The following ITGA2 variants were observed in gnomAD, a reference collection of about 807,000 sequenced individuals.
ITGA2 encodes integrin subunit alpha 2, also known as integrin alpha-2.
In ITGA2, 101 loss-of-function variants were observed where a neutral mutation model predicts 146.3. The ratio of observed to expected loss-of-function variants is 0.69; its 90% confidence interval spans 0.59 to 0.81. The LOEUF is 0.81. ITGA2 is among the 40% of genes least tolerant of loss of function. The pLI, the probability that ITGA2 is intolerant of heterozygous loss-of-function variation, is 0.00. For missense variants in ITGA2, 1,281 were observed against 1,402.7 expected, an observed-to-expected ratio of 0.91 and a Z score of 1.39; for synonymous variants, 477 against 487.1, an observed-to-expected ratio of 0.98 and a Z score of 0.27.
intron 2 of ITGA2, among the ~76,000 whole-genome samples, chr5:53,035,455 A>G (rs1743443038): frequency 1.3e-5 from 2 of 152,232 alleles, no homozygotes; most frequent in Admixed American, 6.5e-5. Flanking sequence ...AAACGGAAAG[A>G]TGCTGAGGAT....
At chr5:53,088,801 CAAT>C (rs768680236) in intron 28 of ITGA2, among the ~76,000 whole-genome samples, 12 of 151,358 alleles carry the variant, frequency 7.9e-5, no homozygotes, top group Non-Finnish European at 1.8e-4. Context: ...TTAATCTAAA[CAAT>C]AATTTGGATA....
At chr5:53,080,672 C>T (rs186119154) in intron 25 of ITGA2, 51 bp downstream of exon 25, 21 of 1,276,004 alleles carry the variant, frequency 1.6e-5, no homozygotes, top group Admixed American at 1.0e-4. Context: ...ATGTAAATAA[C>T]CCATGAGATT....
intron 14 of ITGA2, 77 bp downstream of exon 14, chr5:53,065,192 C>G: frequency 7.2e-7 from 1 of 1,379,952 alleles, no homozygotes; most frequent in Non-Finnish European, 1.0e-6. Flanking sequence ...TCATGTAAAC[C>G]ATGCAATCCG....
At chr5:53,019,882 C>A (rs989373798) in intron 1 of ITGA2, among the ~76,000 whole-genome samples, 1 of 152,072 alleles carries the variant, frequency 6.6e-6, no homozygotes, top group Admixed American at 6.6e-5. Context: ...GTAATGCTGG[C>A]ATATTATTAT....
chr5:53,070,095 T>A lies in ITGA2; in HGVS notation c.2084-14T>A. The A allele has an allele frequency of 1.2e-6, 2 of 1,603,320 alleles. No homozygotes were observed. The highest frequency in any genetic ancestry group is 1.7e-6 in the Non-Finnish European group (2 of 1,171,350). On this transcript the variant is annotated splice_polypyrimidine_tract_variant and intron_variant, in intron 16 of 29. Coordinates refer to ENST00000296585, the MANE Select transcript of ITGA2 (RefSeq NM_002203.4). ...ATTTGAAATAACATTTCTTTATGAT[T>A]TTTTTTATCATAGCCATTGTATATA...
chr5:53,045,879 T>C (rs982273922), intron 4 of ITGA2, among the ~76,000 whole-genome samples: 2 of 150,640 alleles, frequency 1.3e-5, no homozygotes, highest in African/African-American at 4.9e-5. Flanking sequence ...TGTGTATGTA[T>C]GTATAACCCT....
chr5:53,079,620 T>C (rs1415835505), intron 24 of ITGA2, among the ~76,000 whole-genome samples: 3 of 152,168 alleles, frequency 2.0e-5, no homozygotes, highest in African/African-American at 7.2e-5. Flanking sequence ...GTTTGTTACA[T>C]GGTTGCAACT....
intron 1 of ITGA2, among the ~76,000 whole-genome samples, chr5:53,023,346 C>T (rs1433958276): frequency 6.6e-6 from 1 of 152,174 alleles, no homozygotes; most frequent in Non-Finnish European, 1.5e-5. Flanking sequence ...CTTTGCCTTC[C>T]TCTTTATGTA....
At chr5:53,066,076 C>A in intron 15 of ITGA2, 99 bp downstream of exon 15, 1 of 1,095,438 alleles carries the variant, frequency 9.1e-7, no homozygotes, top group Non-Finnish European at 1.4e-6. Context: ...CACATGCATT[C>A]TATAAGACTA....
chr5:53,024,141 C>T (rs954797844), intron 1 of ITGA2, among the ~76,000 whole-genome samples: 3 of 152,136 alleles, frequency 2.0e-5, no homozygotes, highest in African/African-American at 7.2e-5. Flanking sequence ...ATTTAGCCTT[C>T]ATGAGTTTCA....
At chr5:53,010,175 G>A (rs191370178) in intron 1 of ITGA2, among the ~76,000 whole-genome samples, 60 of 152,190 alleles carry the variant, frequency 3.9e-4, no homozygotes, top group Admixed American at 3.5e-3. Context: ...TTAGTGGCAT[G>A]AATCCTGCAT....
chr5:53,055,706 T>C lies in ITGA2; in HGVS notation c.930+18T>C. 1.2e-6 allele frequency: 2 copies of C among 1,612,472 alleles called. No homozygotes were observed. The highest frequency in any genetic ancestry group is 1.7e-6 in the Non-Finnish European group (2 of 1,179,082). On this transcript the variant is annotated intron_variant, in intron 8 of 29. Coordinates refer to ENST00000296585, the MANE Select transcript of ITGA2 (RefSeq NM_002203.4). Reference sequence around the variant, plus strand: ...GCATAGCAGTAAGTGGCTTTTCTTTTCACTTGTCTTGCCGCTATTGGGTAA... The same window carrying C: ...GCATAGCAGTAAGTGGCTTTTCTTTCCACTTGTCTTGCCGCTATTGGGTAA...
chr5:53,034,524 C>T (rs1220625983), intron 2 of ITGA2, among the ~76,000 whole-genome samples: 1 of 152,166 alleles, frequency 6.6e-6, no homozygotes, highest in East Asian at 1.9e-4. Flanking sequence ...TGAATACATA[C>T]ACACCCATTG....
rs182854047 is a variant in ITGA2 at position 52,997,509 on chromosome 5, A to G, written c.64+7977A>G. 1.1e-3 allele frequency among the ~76,000 whole-genome samples: 172 copies of G among 152,356 alleles called. 1 individual carries two copies. The highest frequency in any genetic ancestry group is 3.4e-3 in the Middle Eastern group (1 of 294). The stretch of plus-strand genomic sequence containing the variant: ...AAAGAATCACTGTATTGTCAGTGCA[A>G]GAGATTACTTCATTGTGTTTTGAAA... On this transcript the variant is annotated intron_variant, in intron 1 of 29. Transcript: ENST00000296585.
At chr5:53,055,467 T>C in intron 7 of ITGA2, 71 bp from the exon 8 acceptor site, 1 of 1,422,666 alleles carries the variant, frequency 7.0e-7, no homozygotes, top group Non-Finnish European at 9.9e-7. Flanking sequence ...ATGTTTCTAT[T>C]TTAAACCAGA....
In ITGA2 at chr5:53,065,994, C is replaced by T; in HGVS notation, c.1943+17C>T. On this transcript the variant is annotated intron_variant, in intron 15 of 29. Coordinates refer to ENST00000296585, the MANE Select transcript of ITGA2 (RefSeq NM_002203.4). ...TCAACTCTGGTGAGTCAGGAAGAGC[C>T]AGACACAAACTAACTAAAAATTACC... is the stretch of plus-strand genomic sequence containing the variant. 2 of 1,611,006 alleles carry T rather than the reference C, an allele frequency of 1.2e-6. No homozygotes were observed. The highest frequency in any genetic ancestry group is 1.3e-5 in the African/African-American group (1 of 74,822).
chr5:53,031,431 C>T (rs1743219273), intron 2 of ITGA2, among the ~76,000 whole-genome samples: 2 of 152,174 alleles, frequency 1.3e-5, no homozygotes, highest in Admixed American at 1.3e-4. Context: ...TGACTTCACT[C>T]CTTTCCCTCA....
At chr5:53,020,637 C>T (rs532406084) in intron 1 of ITGA2, among the ~76,000 whole-genome samples, 47 of 151,384 alleles carry the variant, frequency 3.1e-4, no homozygotes, top group African/African-American at 1.1e-3. Flanking sequence ...TTTCTTTCTT[C>T]ATTATTTTAT....
Position 53,073,175 on chromosome 5 carries a change from G to T in ITGA2, c.2487G>T (p.Leu829=). The T allele has an allele frequency of 6.2e-7, 1 of 1,612,396 alleles. No individual in the cohort carries two copies. The highest frequency in any genetic ancestry group is 8.5e-7 in the Non-Finnish European group (1 of 1,178,918). ...AAAGGTTAACATTTTCAGTAACGCT[G>T]AAAAATAAAAGGGAAAGTGCATACA... ...QNKRLTFSVT[L]KNKRESAYNT... is the part of the protein sequence containing the mutation. The change falls in exon 20 of 30, where the codon CTG becomes CTT. Residue 829 remains leucine (L), a synonymous_variant. Coordinates refer to ENST00000296585, the MANE Select transcript of ITGA2 (RefSeq NM_002203.4).
Sources: gnomAD v4.1 joint callset for allele counts (sites outside exome capture counted in the v4.1 genomes callset) on GRCh38, gnomAD v4.1.1 for gene constraint, MANE v1.5 for transcripts, NCBI Gene and HGNC (gene_info 2026-07-23, HGNC 2026-07-21) for gene names.